The following ANXA4 variants were observed in gnomAD, a reference collection of about 807,000 sequenced individuals.
The protein encoded by ANXA4 is annexin A4.
A neutral mutation model predicts 49.8 loss-of-function variants in ANXA4; 39 were observed. The observed-to-expected ratio is 0.78, with a 90% CI of 0.61 to 1.02. The LOEUF is 1.02. Ranked by LOEUF, ANXA4 falls within the 50% of genes least tolerant of loss-of-function variation. The probability of loss-of-function intolerance (pLI) is 0.00; values close to 1 mark genes in which losing one functional copy is unlikely to be tolerated. For synonymous variants in ANXA4, 134 were observed against 152.5 expected, an observed-to-expected ratio of 0.88 and a Z score of 0.89; for missense variants, 360 against 410.1, an observed-to-expected ratio of 0.88 and a Z score of 1.05.
At chr2:69,646,388 G>A (rs1270704162) in intron 1 of ANXA4, among the ~76,000 whole-genome samples, 1 of 152,180 alleles carries the variant, frequency 6.6e-6, no homozygotes, top group Non-Finnish European at 1.5e-5. Context: ...TGGGCATCCA[G>A]TATAATAGTT....
At position 69,700,866 on chromosome 2, in the gene ANXA4, ATTTC is replaced by A. The variant is rs772056363; in HGVS notation, n.767-19896_767-19893del. 2.2e-3 allele frequency among the ~76,000 whole-genome samples: 337 copies of A among 151,958 alleles called. 1 individual carries two copies. The highest frequency in any genetic ancestry group is 3.8e-3 in the Admixed American group (58 of 15,230). ...TCACTTGGTCAAGGGGTATGTATGT[ATTTC>A]TTTCTTTCTTTTCTGATTTTGAGAC... On this transcript the variant is annotated intron_variant and non_coding_transcript_variant, in intron 2 of 3. Transcript: ENST00000418066.
intron 3 of ANXA4, among the ~76,000 whole-genome samples, chr2:69,735,814 A>T (rs75976039): frequency 0.035 from 5,316 of 152,226 alleles, 312 homozygotes; most frequent in African/African-American, 0.12. Flanking sequence ...GACTGGGCTC[A>T]GCTAGTTAGT....
chr2:69,822,265 G>A (rs989991745), intron 12 of ANXA4, among the ~76,000 whole-genome samples: 1 of 152,118 alleles, frequency 6.6e-6, no homozygotes, highest in Non-Finnish European at 1.5e-5. Context: ...GGAGGCTGAG[G>A]TGGGATGATC....
intron 2 of ANXA4, among the ~76,000 whole-genome samples, chr2:69,679,536 G>A (rs1326632157): frequency 6.6e-6 from 1 of 151,890 alleles, no homozygotes; most frequent in East Asian, 1.9e-4. Flanking sequence ...TTTTTGTGGG[G>A]GTTTTTTTCT....
chr2:69,775,972 T>G (rs1211839716), intron 1 of ANXA4, among the ~76,000 whole-genome samples: 2 of 151,108 alleles, frequency 1.3e-5, no homozygotes, highest in Non-Finnish European at 2.9e-5. Context: ...TTTATTTATT[T>G]ATTTATTTAT....
At chr2:69,817,305 T>C (rs1342004857) in intron 9 of ANXA4, 1 of 152,270 alleles carries the variant, frequency 6.6e-6, no homozygotes, top group Non-Finnish European at 1.5e-5. Context: ...GAAAACTTCA[T>C]AATTGTCTTA....
Position 69,820,865 on chromosome 2 carries a change from G to T in ANXA4, c.906+44G>T, listed in dbSNP as rs934846643. On this transcript the variant is annotated intron_variant, in intron 12 of 12. Transcript: ENST00000394295. ...AGTCCAGAGTAAAGGATCCAGAAAA[G>T]GACCCCTCTGACCTTGGCATTTAGC... 1.9e-6 allele frequency: 3 copies of T among 1,602,136 alleles called. No individual in the cohort carries two copies. The African/African-American group carries it at 4.0e-5, about 22-fold the overall frequency.
At chr2:69,714,181 G>A (rs1381294009) in intron 2 of ANXA4, among the ~76,000 whole-genome samples, 1 of 152,136 alleles carries the variant, frequency 6.6e-6, no homozygotes, top group African/African-American at 2.4e-5. Context: ...CTTCTGACAA[G>A]CCCTAGCTCT....
Position 69,825,749 on chromosome 2 carries a change from GT to G in ANXA4, c.*235del. On this transcript the variant is annotated 3_prime_UTR_variant, in exon 13 of 13. Coordinates refer to ENST00000394295, the MANE Select transcript of ANXA4 (RefSeq NM_001153.5). The stretch of plus-strand genomic sequence containing the variant: ...ATAAGATATAAATGGAGATTTTAAA[GT>G]AGAAATAAATATGTATTCCATGTTT... 1 of 370,658 alleles carries G rather than the reference GT, an allele frequency of 2.7e-6. No individual in the cohort carries two copies. The highest frequency in any genetic ancestry group is 1.1e-4 in the South Asian group (1 of 8,880). 23.0% of individuals were successfully genotyped at this position (370,658 alleles called of 1,614,324 possible).
chr2:69,736,126 A>G (rs1670238755), intron 3 of ANXA4, among the ~76,000 whole-genome samples: 1 of 152,196 alleles, frequency 6.6e-6, no homozygotes, highest in Admixed American at 6.5e-5. Flanking sequence ...TTTGAAAGTC[A>G]CATAGCATTA....
In ANXA4 at chr2:69,695,100, C is replaced by T. The variant is rs143000303; in HGVS notation, n.767-25674C>T. ...TCGAGGTTGCAGAAAGCCATGATTG[C>T]GCCACTGCACTCCAGCTTGGGTGAC... On this transcript the variant is annotated intron_variant and non_coding_transcript_variant, in intron 2 of 3. Transcript: ENST00000418066. 5.1e-3 allele frequency among the ~76,000 whole-genome samples: 768 copies of T among 151,856 alleles called. 10 individuals carry two copies. The highest frequency in any genetic ancestry group is 0.017 in the African/African-American group (691 of 41,392).
At chr2:69,806,301 C>T (rs1573295761) in intron 4 of ANXA4, 84 bp from the exon 5 acceptor site, 1 of 956,468 alleles carries the variant, frequency 1.0e-6, no homozygotes, top group Non-Finnish European at 1.7e-6. Context: ...TCTTGGAGAC[C>T]CCAGACATCC....
chr2:69,747,112 GC>G lies in ANXA4; in HGVS notation c.-47+4944del, dbSNP rs559919155. 5.2e-4 allele frequency among the ~76,000 whole-genome samples: 79 copies of G among 152,130 alleles called. 2 individuals are homozygous for G. The East Asian group carries it at 0.014, about 28-fold the overall frequency. On this transcript the variant is annotated intron_variant, in intron 1 of 12. Coordinates refer to ENST00000394295, the MANE Select transcript of ANXA4 (RefSeq NM_001153.5). ...AGCCTGACATGTAACAGAGCAGGAA[GC>G]CCCCCCATGTCCACCTCTACCTCAT...
chr2:69,733,637 G>A (rs1670165129), intron 3 of ANXA4, among the ~76,000 whole-genome samples: 2 of 151,056 alleles, frequency 1.3e-5, no homozygotes, highest in African/African-American at 2.4e-5. Context: ...AGAAAAGACA[G>A]GAAAAGAAAA....
intron 2 of ANXA4, among the ~76,000 whole-genome samples, chr2:69,786,717 C>T (rs1221350195): frequency 1.3e-5 from 2 of 151,968 alleles, no homozygotes; most frequent in African/African-American, 2.4e-5. Flanking sequence ...ATGGTCACTC[C>T]TGTTTTTTGT....
In ANXA4 at chr2:69,781,517, C is replaced by T. The variant is rs1325057577; in HGVS notation, c.-46-3C>T. The stretch of plus-strand genomic sequence containing the variant: ...AGTAATTTCCCCTCTGCTTTTATCA[C>T]AGAAGAACTTCTGCTTGGGTGGCTG... On this transcript the variant is annotated splice_polypyrimidine_tract_variant and splice_region_variant and intron_variant, in intron 1 of 12. Coordinates refer to ENST00000394295, the MANE Select transcript of ANXA4 (RefSeq NM_001153.5). 36 of 1,611,834 alleles carry T rather than the reference C, an allele frequency of 2.2e-5. No individual in the cohort carries two copies. The highest frequency in any genetic ancestry group is 2.9e-5 in the Non-Finnish European group (34 of 1,178,348).
At chr2:69,716,506 G>C (rs538699875) in intron 2 of ANXA4, among the ~76,000 whole-genome samples, 28 of 152,284 alleles carry the variant, frequency 1.8e-4, no homozygotes, top group African/African-American at 6.7e-4. Flanking sequence ...AGACGGGCGA[G>C]AGCCACATCA....
chr2:69,730,601 C>T (rs1670071928), intron 3 of ANXA4, among the ~76,000 whole-genome samples: 1 of 152,160 alleles, frequency 6.6e-6, no homozygotes, highest in African/African-American at 2.4e-5. Context: ...TGACATAGAC[C>T]CACTGTCTGC....
intron 2 of ANXA4, among the ~76,000 whole-genome samples, chr2:69,664,290 A>G (rs34878028): frequency 0.53 from 80,194 of 152,108 alleles, 24,089 homozygotes; most frequent in East Asian, 0.81. Flanking sequence ...AGCTTTCAGA[A>G]GGTGAAAGCT....
Sources: allele counts gnomAD v4.1 joint callset (sites outside exome capture counted in the v4.1 genomes callset), GRCh38; gene constraint gnomAD v4.1.1; transcripts MANE v1.5; gene names NCBI Gene and HGNC (gene_info 2026-07-23, HGNC 2026-07-21).